Variants in NF1 observed in about 807,000 individuals in gnomAD.
NF1 encodes neurofibromin.
In NF1, 122 loss-of-function variants were observed where a neutral mutation model predicts 325.7. That is an observed-to-expected ratio of 0.37 (90% CI 0.32 to 0.44). NF1 has a LOEUF of 0.44. Ranked by LOEUF, NF1 falls within the 20% of genes least tolerant of loss-of-function variation. The probability of loss-of-function intolerance (pLI) is 1.00; values close to 1 mark genes in which losing one functional copy is unlikely to be tolerated. For synonymous variants in NF1, 1,091 were observed against 1,186.0 expected, an observed-to-expected ratio of 0.92 and a Z score of 1.65; for missense variants, 2,140 against 3,415.4, an observed-to-expected ratio of 0.63 and a Z score of 9.31.
chr17:31,357,322 A>G lies in NF1; in HGVS notation c.7923A>G (p.Glu2641=), dbSNP rs1597866925. 5 of 1,614,034 alleles carry G rather than the reference A, an allele frequency of 3.1e-6. No homozygotes were observed. Among genetic ancestry groups the G allele is most frequent in the Non-Finnish European group, 3.4e-6 (4 of 1,179,938 alleles). The change falls in exon 54 of 58, where the codon GAA becomes GAG. Residue 2641 remains glutamate (E), a synonymous_variant. Coordinates refer to ENST00000358273, the MANE Select transcript of NF1 (RefSeq NM_001042492.3). Reference sequence around the variant, plus strand: ...AGTTTGATCAACGAATTCTTTATGAATACTTAGCAGAGGCCAGTGTTGTGT... The same window carrying G: ...AGTTTGATCAACGAATTCTTTATGAGTACTTAGCAGAGGCCAGTGTTGTGT... ...TDEFDQRILY[E]YLAEASVVFP...
At chr17:31,351,481 A>G (rs770040943) in intron 50 of NF1, among the ~76,000 whole-genome samples, 28 of 152,264 alleles carry the variant, frequency 1.8e-4, no homozygotes, top group Admixed American at 5.9e-4. Context: ...CAGTAACACA[A>G]TCTCGGCTCA....
At chr17:31,251,087 A>T in intron 30 of NF1, 1 of 195,556 alleles carries the variant, frequency 5.1e-6, no homozygotes, top group East Asian at 8.0e-5. Context: ...GATAGGAAAA[A>T]AGCTTTGGTC....
intron 37 of NF1, 52 bp from the exon 38 acceptor site, chr17:31,327,447 T>C (rs1257325184): frequency 7.0e-7 from 1 of 1,428,708 alleles, no homozygotes; most frequent in Non-Finnish European, 9.7e-7. Flanking sequence ...TAGAATTTTA[T>C]GTAAAAGAGT....
At position 31,359,950 on chromosome 17, in the gene NF1, C is replaced by A. The variant is rs570124952; in HGVS notation, c.8161-537C>A. ...CTAAATCAATATGAATTGTATAAACCTTGTTCCAGTTTTTAAGAATTGGGT... is the reference window on the plus strand; with the variant it reads ...CTAAATCAATATGAATTGTATAAACATTGTTCCAGTTTTTAAGAATTGGGT... On this transcript the variant is annotated intron_variant, in intron 56 of 57. Transcript: ENST00000358273. The A allele has an allele frequency of 1.5e-4, 26 of 173,484 alleles. No individual in the cohort carries two copies. The South Asian group carries it at 3.1e-3, about 21-fold the overall frequency. 10.7% of individuals were successfully genotyped at this position (173,484 alleles called of 1,614,324 possible).
At chr17:31,129,261 A>G (rs1915146165) in intron 1 of NF1, among the ~76,000 whole-genome samples, 1 of 152,106 alleles carries the variant, frequency 6.6e-6, no homozygotes, top group South Asian at 2.1e-4. Context: ...CATATCTTTC[A>G]GGGATACCAG....
At chr17:31,367,506 A>G (rs182157412) in intron 57 of NF1, among the ~76,000 whole-genome samples, 2 of 152,226 alleles carry the variant, frequency 1.3e-5, no homozygotes, top group African/African-American at 2.4e-5. Context: ...ACCCAGAACA[A>G]TGAAGATGCA....
Position 31,360,471 on chromosome 17 carries a change from C to T in NF1, c.8161-16C>T, listed in dbSNP as rs1262893944. The T allele has an allele frequency of 3.7e-6, 6 of 1,608,572 alleles. No individual in the cohort carries two copies. Among genetic ancestry groups the T allele is most frequent in the Admixed American group, 3.3e-5 (2 of 59,986 alleles). ...AAAAAAAAGGAACTAAAATAATTTC[C>T]TATTTTCCATTACAGCAAACACAAA... On this transcript the variant is annotated splice_polypyrimidine_tract_variant and intron_variant, in intron 56 of 57. Transcript: ENST00000358273.
chr17:31,206,647 AG>A (rs1567838548), intron 12 of NF1, among the ~76,000 whole-genome samples: 1 of 151,870 alleles, frequency 6.6e-6, no homozygotes, highest in East Asian at 1.9e-4. Flanking sequence ...CTGTTTTTAA[AG>A]TTTTTTTTCT....
chr17:31,237,656 CTTTT>C (rs34107657), intron 29 of NF1, among the ~76,000 whole-genome samples: 1 of 126,096 alleles, frequency 7.9e-6, no homozygotes, highest in East Asian at 2.3e-4. Flanking sequence ...CTCATGTCTA[CTTTT>C]TTTTTTTTTT....
At chr17:31,246,475 TAC>T (rs2067393433) in intron 29 of NF1, among the ~76,000 whole-genome samples, 3 of 152,250 alleles carry the variant, frequency 2.0e-5, no homozygotes, top group Admixed American at 1.3e-4. Flanking sequence ...GAAACAAAAT[TAC>T]TAATTAACCT....
chr17:31,312,478 C>T (rs11649708), intron 36 of NF1, among the ~76,000 whole-genome samples: 185 of 149,580 alleles, frequency 1.2e-3, no homozygotes, highest in Non-Finnish European at 2.2e-3. Context: ...AAGATGGTGC[C>T]GCTGCACACC....
At chr17:31,180,295 GA>G (rs1452008198) in intron 5 of NF1, among the ~76,000 whole-genome samples, 1 of 152,176 alleles carries the variant, frequency 6.6e-6, no homozygotes, top group Non-Finnish European at 1.5e-5. Flanking sequence ...AACAACAAGA[GA>G]AAATTTTAGG....
chr17:31,278,559 G>A (rs1367081962), intron 36 of NF1, among the ~76,000 whole-genome samples: 4 of 96,470 alleles, frequency 4.1e-5, no homozygotes, highest in African/African-American at 1.6e-4. Flanking sequence ...TTTATGCCAT[G>A]TCTATGCTCA....
At chr17:31,248,362 T>A (rs2067436117) in intron 29 of NF1, among the ~76,000 whole-genome samples, 1 of 152,156 alleles carries the variant, frequency 6.6e-6, no homozygotes, top group African/African-American at 2.4e-5. Flanking sequence ...GTTGCTTGGG[T>A]ATTTTAAAGC....
rs202037436 is a variant in NF1, at chr17:31,326,179, C to G, written c.5195C>G (p.Ala1732Gly). 1.9e-6 allele frequency: 3 copies of G among 1,613,270 alleles called. No homozygotes were observed. The highest frequency in any genetic ancestry group is 2.5e-6 in the Non-Finnish European group (3 of 1,179,694). Residue 1732 changes from alanine to glycine, a missense_variant, in exon 37 of 58, where the codon GCT becomes GGT. By Grantham distance (60) the Ala-to-Gly change is moderately conservative. This residue lies in a region of NF1 where 147 missense variants were observed against 186.7 expected (regional missense o/e 0.79). Coordinates refer to ENST00000358273, the MANE Select transcript of NF1 (RefSeq NM_001042492.3). ...EQQKLPAATL[A>G]LEEDLKVFHN... is the part of the protein sequence containing the mutation. ...CAGAAACTACCTGCTGCCACCTTGG[C>G]TTTAGAAGAGGACCTGAAGGTATTC... is the stretch of plus-strand genomic sequence containing the variant.
Position 31,318,793 on chromosome 17 carries a change from G to T in NF1, c.4836-7027G>T, listed in dbSNP as rs766234636. ...GTGAGATGTTTCAGGCATGTTTGTA[G>T]AATTACCTTTATAATCTACTTCAGG... is the stretch of plus-strand genomic sequence containing the variant. On this transcript the variant is annotated intron_variant, in intron 36 of 57. Coordinates refer to ENST00000358273, the MANE Select transcript of NF1 (RefSeq NM_001042492.3). 2.5e-6 allele frequency: 4 copies of T among 1,613,988 alleles called. No homozygotes were observed. In the South Asian group the frequency reaches 4.4e-5, roughly 18 times the overall value.
chr17:31,366,621 G>A (rs1256580218), intron 57 of NF1, among the ~76,000 whole-genome samples: 1 of 152,142 alleles, frequency 6.6e-6, no homozygotes, highest in African/African-American at 2.4e-5. Flanking sequence ...GGGCACAGTG[G>A]CACATGCTTG....
intron 1 of NF1, among the ~76,000 whole-genome samples, chr17:31,151,403 C>A (rs1177516435): frequency 6.6e-6 from 1 of 152,072 alleles, no homozygotes; most frequent in Non-Finnish European, 1.5e-5. Context: ...GATGTCTTTC[C>A]AATTATTCTG....
At chr17:31,116,815 C>T (rs1913957411) in intron 1 of NF1, among the ~76,000 whole-genome samples, 1 of 147,402 alleles carries the variant, frequency 6.8e-6, no homozygotes, top group Admixed American at 6.7e-5. Flanking sequence ...CTACAGGTGC[C>T]CGCCCCCATG....
Sources: gnomAD v4.1 joint callset for allele counts (sites outside exome capture counted in the v4.1 genomes callset) on GRCh38, gnomAD v4.1.1 for gene constraint, gnomAD v4.1.1 regional missense constraint, MANE v1.5 for transcripts, NCBI Gene and HGNC (gene_info 2026-07-23, HGNC 2026-07-21) for gene names.